Variants in PLEKHM1 observed in about 807,000 individuals in gnomAD.
PLEKHM1 encodes the protein pleckstrin homology and RUN domain containing M1.
Under a neutral mutation model 94.3 loss-of-function variants are expected in PLEKHM1, and 28 were observed. The observed-to-expected ratio is 0.30, with a 90% CI of 0.22 to 0.41. The LOEUF (loss-of-function observed/expected upper bound fraction) is 0.41. Among genes scored for constraint, PLEKHM1 ranks in the 10% least tolerant of loss-of-function variants. PLEKHM1 has a pLI of 1.00. For missense variants in PLEKHM1, 907 were observed against 1,358.6 expected, an observed-to-expected ratio of 0.67 and a Z score of 5.22; for synonymous variants, 424 against 581.2, an observed-to-expected ratio of 0.73 and a Z score of 3.89.
chr17:45,470,389 G>A (rs1181284785), intron 4 of PLEKHM1, among the ~76,000 whole-genome samples: 11 of 152,268 alleles, frequency 7.2e-5, no homozygotes, highest in African/African-American at 2.4e-4. Context: ...CAGCACTTTG[G>A]AGGCCAAGGC....
intron 1 of PLEKHM1, among the ~76,000 whole-genome samples, chr17:45,486,527 T>C (rs1306517247): frequency 6.6e-6 from 1 of 151,860 alleles, no homozygotes; most frequent in Non-Finnish European, 1.5e-5. Flanking sequence ...TGAGCCAAGA[T>C]TGTGCCACTG....
Position 45,475,119 on chromosome 17 carries a change from A to G in PLEKHM1, c.904T>C (p.Ser302Pro), listed in dbSNP as rs944597865. ...SDLGTANAEDSDRSLQEVLLE... is the reference protein window; with the variant it reads ...SDLGTANAEDPDRSLQEVLLE... ...ACTCACTCTTGCAGAGACCGGTCTG[A>G]GTCCTCAGCATTTGCTGTGCCCAGG... The change falls in exon 4 of 12, where the codon TCA (serine) becomes CCA (proline). Residue 302 changes from serine to proline, a missense_variant. By Grantham distance (74) the Ser-to-Pro change is moderately conservative. Transcript: ENST00000430334. The G allele has an allele frequency of 1.9e-6, 3 of 1,613,972 alleles. No individual in the cohort carries two copies. Among genetic ancestry groups the G allele is most frequent in the Non-Finnish European group, 2.5e-6 (3 of 1,179,840 alleles).
intron 1 of PLEKHM1, among the ~76,000 whole-genome samples, chr17:45,485,403 G>A (rs1042449035): frequency 3.3e-5 from 5 of 152,002 alleles, no homozygotes; most frequent in African/African-American, 1.2e-4. Flanking sequence ...GAGAGAGCCC[G>A]AAGCCCCAAA....
At chr17:45,480,967 G>GT (rs1181035868) in intron 2 of PLEKHM1, among the ~76,000 whole-genome samples, 1 of 152,160 alleles carries the variant, frequency 6.6e-6, no homozygotes, top group African/African-American at 2.4e-5. Context: ...ATAACCCTAT[G>GT]TTTAACTTAT....
chr17:45,446,535 C>T (rs977601943), intron 8 of PLEKHM1, among the ~76,000 whole-genome samples: 58 of 152,296 alleles, frequency 3.8e-4, no homozygotes, highest in African/African-American at 1.3e-3. Context: ...ATCATAAGGA[C>T]GGAGGAGCTG....
At chr17:45,449,851 T>TG (rs1420478607) in intron 8 of PLEKHM1, among the ~76,000 whole-genome samples, 1 of 144,786 alleles carries the variant, frequency 6.9e-6, no homozygotes, top group Non-Finnish European at 1.5e-5. Context: ...CCTAGCCACC[T>TG]GCTCATTCAC....
At chr17:45,452,290 A>C (rs541391976) in intron 7 of PLEKHM1, among the ~76,000 whole-genome samples, 21 of 147,334 alleles carry the variant, frequency 1.4e-4, no homozygotes, top group African/African-American at 5.0e-4. Flanking sequence ...TCAGGGTCCC[A>C]TTTCTGCCTC....
intron 9 of PLEKHM1, chr17:45,440,435 T>G: frequency 1.6e-6 from 1 of 638,518 alleles, no homozygotes. Context: ...GGCACGTTAC[T>G]TAACCTCTCT....
At chr17:45,448,788 C>T (rs1292502693) in intron 8 of PLEKHM1, among the ~76,000 whole-genome samples, 1 of 151,968 alleles carries the variant, frequency 6.6e-6, no homozygotes, top group East Asian at 1.9e-4. Flanking sequence ...TGGCTAAGTT[C>T]AGCTGGAGAA....
chr17:45,439,486 G>C lies in PLEKHM1; in HGVS notation c.3050C>G (p.Thr1017Ser). 1 of 1,614,210 alleles carries C rather than the reference G, an allele frequency of 6.2e-7. No individual in the cohort carries two copies. Among genetic ancestry groups the C allele is most frequent in the Non-Finnish European group, 8.5e-7 (1 of 1,180,036 alleles). ...HDIIFPFEFD[T>S]TVRCAECKTV... is the part of the protein sequence containing the mutation. Reference sequence around the variant, plus strand: ...TGGGTGTCCCGCATACCTGACTGTGGTGTCAAACTCAAAGGGGAAGATGAT... The same window carrying C: ...TGGGTGTCCCGCATACCTGACTGTGCTGTCAAACTCAAAGGGGAAGATGAT... The change falls in exon 11 of 12, where the codon ACC becomes AGC. Residue 1017 changes from threonine to serine, a missense_variant. Transcript: ENST00000430334.
At chr17:45,485,054 G>C (rs1352117476) in intron 1 of PLEKHM1, among the ~76,000 whole-genome samples, 1 of 151,410 alleles carries the variant, frequency 6.6e-6, no homozygotes, top group Non-Finnish European at 1.5e-5. Flanking sequence ...GGGTGCTGCA[G>C]ATGGCCAGAA....
rs140558219 is a variant in PLEKHM1, at chr17:45,458,358, T to C, written c.1390A>G (p.Ile464Val). 9.3e-6 allele frequency: 15 copies of C among 1,613,842 alleles called. No individual in the cohort carries two copies. The highest frequency in any genetic ancestry group is 1.3e-5 in the African/African-American group (1 of 74,916). Reference sequence around the variant, plus strand: ...CCTGGAGTCCCCCTGTAAGAAGCTATTGGGTGGTCTGAAGCACTCTCCAGG... The same window carrying C: ...CCTGGAGTCCCCCTGTAAGAAGCTACTGGGTGGTCTGAAGCACTCTCCAGG... ...QPLESASDHP[I>V]ASYRGTPGSR... The change falls in exon 6 of 12, where the codon ATA becomes GTA. Residue 464 changes from isoleucine to valine, a missense_variant. By Grantham distance (29) the Ile-to-Val change is conservative. Coordinates refer to ENST00000430334, the MANE Select transcript of PLEKHM1 (RefSeq NM_014798.3).
At chr17:45,470,918 G>A (rs1474824915) in intron 4 of PLEKHM1, among the ~76,000 whole-genome samples, 1 of 151,730 alleles carries the variant, frequency 6.6e-6, no homozygotes, top group Admixed American at 6.6e-5. Flanking sequence ...CGCCTGCTTT[G>A]GCCTCACAAA....
intron 5 of PLEKHM1, among the ~76,000 whole-genome samples, chr17:45,464,600 G>C (rs543040272): frequency 6.6e-6 from 1 of 152,170 alleles, no homozygotes; most frequent in African/African-American, 2.4e-5. Flanking sequence ...TGAATAAGCA[G>C]TGAATGAATC....
In PLEKHM1 at chr17:45,445,382, T is replaced by C. The variant is rs1243256476; in HGVS notation, c.2837+88A>G. 1 of 1,035,350 alleles carries C rather than the reference T, an allele frequency of 9.7e-7. No homozygotes were observed. Among genetic ancestry groups the C allele is most frequent in the South Asian group, 1.3e-5 (1 of 75,824 alleles). 64.1% of individuals were successfully genotyped at this position (1,035,350 alleles called of 1,614,324 possible). A position where few individuals can be genotyped will look rare whatever the true frequency, so the allele number is the denominator to read the frequency against. The stretch of plus-strand genomic sequence containing the variant: ...GTGTGCACATGTGTATGTGTGTCTG[T>C]GTGTACATGTGCATATAAGTATGTG... On this transcript the variant is annotated intron_variant, in intron 9 of 11. Coordinates refer to ENST00000430334, the MANE Select transcript of PLEKHM1 (RefSeq NM_014798.3). The surrounding 1 kb of genome is among the most constrained non-coding windows in gnomAD (Gnocchi z 4.2).
chr17:45,472,726 T>C (rs2051556057), intron 4 of PLEKHM1, among the ~76,000 whole-genome samples: 1 of 152,226 alleles, frequency 6.6e-6, no homozygotes, highest in Non-Finnish European at 1.5e-5. Flanking sequence ...ATCTCCTATA[T>C]TGTTTGACTA....
chr17:45,465,046 T>C lies in PLEKHM1; in HGVS notation c.1308+3163A>G, dbSNP rs537669559. 1.3e-3 allele frequency among the ~76,000 whole-genome samples: 205 copies of C among 152,138 alleles called. 1 individual carries two copies. Among genetic ancestry groups the C allele is most frequent in the South Asian group, 0.011 (52 of 4,822 alleles). On this transcript the variant is annotated intron_variant, in intron 5 of 11. Transcript: ENST00000430334. ...AAAAGAACCATTCCAAACAGCCTTA[T>C]AGCTAGGATGGGGGAACAAAATAAA...
At chr17:45,459,748 G>A (rs1210446701) in intron 5 of PLEKHM1, 5 of 127,140 alleles carry the variant, frequency 3.9e-5, no homozygotes, top group African/African-American at 1.1e-4. Context: ...AGCAATGTAC[G>A]AGGGTTCCAA....
Position 45,457,298 on chromosome 17 carries a change from C to T in PLEKHM1, c.1579+871G>A, listed in dbSNP as rs1567780490. ...CAAAAATTGGCCAGGCGCAGTGGCT[C>T]ATGCCTGTAATCCCAGCACTTTAGG... is the stretch of plus-strand genomic sequence containing the variant. On this transcript the variant is annotated intron_variant, in intron 6 of 11. Transcript: ENST00000430334. Among the ~76,000 whole-genome samples, 5 of 152,072 alleles carry T rather than the reference C, an allele frequency of 3.3e-5. No homozygotes were observed. The South Asian group carries it at 8.3e-4, about 25-fold the overall frequency.
Sources: gnomAD v4.1 joint callset for allele counts (sites outside exome capture counted in the v4.1 genomes callset) on GRCh38, gnomAD v4.1.1 for gene constraint, Gnocchi (gnomAD v3.1) non-coding constraint, MANE v1.5 for transcripts, NCBI Gene and HGNC (gene_info 2026-07-23, HGNC 2026-07-21) for gene names.